VPS13A: variants seen among roughly 807,000 people sequenced by gnomAD.
VPS13A encodes the protein vacuolar protein sorting 13 homolog A, also known as intermembrane lipid transfer protein VPS13A.
A neutral mutation model predicts 390.9 loss-of-function variants in VPS13A; 264 were observed. That is an observed-to-expected ratio of 0.68 (90% CI 0.61 to 0.75). VPS13A has a LOEUF of 0.75. Among genes scored for constraint, VPS13A ranks in the 30% least tolerant of loss-of-function variants. VPS13A has a pLI of 0.00. For missense variants in VPS13A, 3,409 were observed against 3,733.9 expected (o/e 0.91, Z 2.27); for synonymous variants, 1,231 against 1,227.1 (o/e 1.00, Z -0.07).
chr9:77,204,044 A>T (rs560756496), intron 3 of VPS13A, among the ~76,000 whole-genome samples: 8 of 152,150 alleles, frequency 5.3e-5, no homozygotes, highest in Non-Finnish European at 1.2e-4. Flanking sequence ...ATAAAAAAGA[A>T]ATCAGATAGT....
chr9:77,301,119 T>G (rs17063516), intron 33 of VPS13A, among the ~76,000 whole-genome samples: 3,707 of 152,318 alleles, frequency 0.024, 120 homozygotes, highest in African/African-American at 0.071. Flanking sequence ...GAAAGTAATC[T>G]TTTGACATAA....
chr9:77,351,507 G>T (rs1026432764), intron 53 of VPS13A, 61 bp downstream of exon 53: 1 of 1,590,330 alleles, frequency 6.3e-7, no homozygotes, highest in East Asian at 2.3e-5. Context: ...ATTTGGGCCG[G>T]GTGCGGTGGC....
intron 1 of VPS13A, 36 bp downstream of exon 1, chr9:77,177,840 G>A (rs1275098642): frequency 1.3e-6 from 2 of 1,572,970 alleles, no homozygotes; most frequent in Non-Finnish European, 8.7e-7. Flanking sequence ...CCGGCCTCTC[G>A]TGCTTCCCGG....
chr9:77,321,984 T>G (rs914665540), intron 44 of VPS13A, among the ~76,000 whole-genome samples: 3 of 151,998 alleles, frequency 2.0e-5, no homozygotes, highest in Non-Finnish European at 4.4e-5. Context: ...ATTTAGAGCA[T>G]GGCAATTTAC....
intron 68 of VPS13A, among the ~76,000 whole-genome samples, chr9:77,397,096 C>T (rs553899540): frequency 2.0e-5 from 3 of 152,266 alleles, no homozygotes; most frequent in Non-Finnish European, 2.9e-5. Context: ...TCAAGTGATT[C>T]TCCTTGCCTC....
intron 45 of VPS13A, among the ~76,000 whole-genome samples, chr9:77,329,099 C>G (rs1830157873): frequency 6.6e-6 from 1 of 152,148 alleles, no homozygotes; most frequent in African/African-American, 2.4e-5. Context: ...ATCCAGTTAC[C>G]TCCACCTGGT....
intron 29 of VPS13A, 23 bp from the exon 30 acceptor site, chr9:77,283,332 A>G (rs1827150243): frequency 7.3e-7 from 1 of 1,378,326 alleles, no homozygotes; most frequent in South Asian, 1.2e-5. Context: ...CTCATGTTTT[A>G]TAATATGAAT....
intron 19 of VPS13A, among the ~76,000 whole-genome samples, chr9:77,241,142 G>A (rs1031037360): frequency 6.6e-6 from 1 of 151,874 alleles, no homozygotes; most frequent in African/African-American, 2.4e-5. Context: ...CTGGAATTCT[G>A]GCTAAATGAA....
chr9:77,316,751 T>C (rs1236278415), intron 39 of VPS13A, among the ~76,000 whole-genome samples: 1 of 152,086 alleles, frequency 6.6e-6, no homozygotes, highest in South Asian at 2.1e-4. Context: ...CTGTGTTGTT[T>C]CAATTTTATT....
At chr9:77,219,627 GT>G (rs1162848621) in intron 10 of VPS13A, among the ~76,000 whole-genome samples, 45 of 152,106 alleles carry the variant, frequency 3.0e-4, no homozygotes, top group South Asian at 6.2e-4. Context: ...CATTCATTCT[GT>G]AAAACTGTGT....
rs538068982 is a variant in VPS13A, at chr9:77,384,530, A to G, written c.9189+2443A>G. 3.7e-6 allele frequency: 6 copies of G among 1,608,070 alleles called. No homozygotes were observed. The African/African-American group carries it at 5.3e-5, about 14-fold the overall frequency. On this transcript the variant is annotated intron_variant, in intron 68 of 71. Coordinates refer to ENST00000360280, the MANE Select transcript of VPS13A (RefSeq NM_033305.3). ...TCATAATCTTACATGTTTTCAAGCA[A>G]TTTGCCATACTCTACTAACCTTTGT... is the stretch of plus-strand genomic sequence containing the variant.
intron 68 of VPS13A, among the ~76,000 whole-genome samples, chr9:77,391,723 A>C (rs1833909049): frequency 6.6e-6 from 1 of 152,194 alleles, no homozygotes; most frequent in African/African-American, 2.4e-5. Flanking sequence ...CAAATATGGG[A>C]GATTGAACAT....
At chr9:77,191,033 T>C (rs1003142619) in intron 1 of VPS13A, among the ~76,000 whole-genome samples, 1 of 151,892 alleles carries the variant, frequency 6.6e-6, no homozygotes, top group African/African-American at 2.4e-5. Flanking sequence ...ATCTTTTGTA[T>C]TTTTTTTGTT....
Position 77,274,911 on chromosome 9 carries a change from T to A in VPS13A, c.2513-587T>A, listed in dbSNP as rs573829177. 3.9e-5 allele frequency among the ~76,000 whole-genome samples: 6 copies of A among 152,254 alleles called. No homozygotes were observed. The East Asian group carries it at 1.2e-3, about 29-fold the overall frequency. On this transcript the variant is annotated intron_variant, in intron 24 of 71. Coordinates refer to ENST00000360280, the MANE Select transcript of VPS13A (RefSeq NM_033305.3). ...TTAAACCTAGTTTTAATGGTTTTAC[T>A]AAGTTATCTAATGCTTTTTCAGTCC... is the stretch of plus-strand genomic sequence containing the variant.
intron 59 of VPS13A, among the ~76,000 whole-genome samples, chr9:77,364,426 G>C (rs929083532): frequency 1.3e-5 from 2 of 151,498 alleles, no homozygotes; most frequent in Non-Finnish European, 2.9e-5. Flanking sequence ...ACTCCGTCTC[G>C]AAAAAAACAA....
chr9:77,209,387 C>A (rs758860269), intron 5 of VPS13A, 36 bp from the exon 6 acceptor site: 2 of 1,421,998 alleles, frequency 1.4e-6, no homozygotes, highest in Non-Finnish European at 2.0e-6. Context: ...GTATATTTTT[C>A]ATTCAATTTT....
At position 77,418,020 on chromosome 9, in the gene VPS13A, T is replaced by TAAAC; in HGVS notation, c.*2018_*2021dup. 6.6e-6 allele frequency: 1 copy of TAAAC among 152,224 alleles called. No individual in the cohort carries two copies. The highest frequency in any genetic ancestry group is 1.5e-5 in the Non-Finnish European group (1 of 68,024). The allele number at this position is 152,224 out of a possible 1,614,324, so 9.4% of individuals were successfully genotyped here. A position where few individuals can be genotyped will look rare whatever the true frequency, so the allele number is the denominator to read the frequency against. Reference sequence around the variant, plus strand: ...GTTGTTTTAGAAGATTGTCTTCATCTAAACAAAAACACTAAGAAATCAGTA... The same window carrying TAAAC: ...GTTGTTTTAGAAGATTGTCTTCATCTAAACAAACAAAAACACTAAGAAATCAGTA... On this transcript the variant is annotated 3_prime_UTR_variant, in exon 72 of 72. Coordinates refer to ENST00000360280, the MANE Select transcript of VPS13A (RefSeq NM_033305.3).
At chr9:77,295,095 G>A (rs1032159203) in intron 32 of VPS13A, among the ~76,000 whole-genome samples, 6 of 151,740 alleles carry the variant, frequency 4.0e-5, no homozygotes, top group Admixed American at 1.3e-4. Context: ...TATAAATATA[G>A]ATAATTATAT....
Position 77,318,326 on chromosome 9 carries a change from C to T in VPS13A, c.5048C>T (p.Thr1683Ile). The T allele has an allele frequency of 6.2e-7, 1 of 1,612,716 alleles. No homozygotes were observed. The highest frequency in any genetic ancestry group is 2.2e-5 in the East Asian group (1 of 44,848). Residue 1683 changes from threonine (T) to isoleucine (I), a missense_variant, in exon 41 of 72, where the codon ACT (threonine) becomes ATT (isoleucine). Physicochemically the swap from Thr to Ile is moderately conservative, Grantham distance 89 (BLOSUM62 -1). Transcript: ENST00000360280. Reference protein sequence around the residue: ...ETIPEETASSTAHLWEKKDTK... With the variant: ...ETIPEETASSIAHLWEKKDTK... ...ATCCCAGAAGAAACGGCTTCTTCTACTGCACATTTATGGGAAAAGAAGGAT... is the reference window on the plus strand; with the variant it reads ...ATCCCAGAAGAAACGGCTTCTTCTATTGCACATTTATGGGAAAAGAAGGAT...
Sources: allele counts gnomAD v4.1 joint callset (sites outside exome capture counted in the v4.1 genomes callset), GRCh38; gene constraint gnomAD v4.1.1; transcripts MANE v1.5; gene names NCBI Gene and HGNC (gene_info 2026-07-23, HGNC 2026-07-21).